FAF1: variants seen among roughly 807,000 people sequenced by gnomAD.
FAF1 encodes Fas associated factor 1.
A neutral mutation model predicts 92.5 loss-of-function variants in FAF1; 25 were observed. That is an observed-to-expected ratio of 0.27 (90% CI 0.20 to 0.38). The LOEUF is 0.38. Among genes scored for constraint, FAF1 ranks in the 10% least tolerant of loss-of-function variants. The pLI, the probability that FAF1 is intolerant of heterozygous loss-of-function variation, is 1.00. For missense variants in FAF1, 636 were observed against 793.3 expected (o/e 0.80, Z 2.38); for synonymous variants, 234 against 273.2 (o/e 0.86, Z 1.42).
chr1:50,946,801 G>A (rs1459687121), intron 1 of FAF1, among the ~76,000 whole-genome samples: 1 of 152,200 alleles, frequency 6.6e-6, no homozygotes, highest in Non-Finnish European at 1.5e-5. Context: ...AGTGATACCT[G>A]CACATGCAGT....
chr1:50,680,115 T>C (rs986294897), intron 7 of FAF1, among the ~76,000 whole-genome samples: 2 of 152,186 alleles, frequency 1.3e-5, no homozygotes, highest in Non-Finnish European at 2.9e-5. Flanking sequence ...AAATGATGTT[T>C]TCCAAGTTGA....
intron 10 of FAF1, among the ~76,000 whole-genome samples, chr1:50,584,142 CAGG>C: frequency 6.6e-6 from 1 of 152,096 alleles, no homozygotes; most frequent in East Asian, 1.9e-4. Context: ...TTTCTGCCCA[CAGG>C]AGTTCTCTAA....
chr1:50,512,229 A>T (rs1647145616), intron 15 of FAF1, among the ~76,000 whole-genome samples: 2 of 152,282 alleles, frequency 1.3e-5, no homozygotes, highest in Admixed American at 6.5e-5. Context: ...CTGTGCAAGA[A>T]GCTCTTCAGT....
chr1:50,912,552 T>G (rs1259465464), intron 1 of FAF1, among the ~76,000 whole-genome samples: 1 of 152,188 alleles, frequency 6.6e-6, no homozygotes, highest in Admixed American at 6.5e-5. Context: ...CTTACTAAGC[T>G]TAGTGTGTTG....
In FAF1 at chr1:50,738,967, A is replaced by G. The variant is rs752784390; in HGVS notation, c.460-13T>C. The stretch of plus-strand genomic sequence containing the variant: ...ATTTTAGGACCGTCTGAAAAAGAAA[A>G]AACACAGCAAAAAATGAATGTTGAT... On this transcript the variant is annotated splice_polypyrimidine_tract_variant and intron_variant, in intron 5 of 18. Coordinates refer to ENST00000396153, the MANE Select transcript of FAF1 (RefSeq NM_007051.3). 4.1e-6 allele frequency: 6 copies of G among 1,471,706 alleles called. No homozygotes were observed. The African/African-American group carries it at 7.0e-5, about 17-fold the overall frequency. The allele number at this position is 1,471,706 out of a possible 1,614,324, so 91.2% of individuals were successfully genotyped here.
chr1:50,567,376 T>A (rs1021415246), intron 12 of FAF1, 145 bp from the exon 13 acceptor site: 13 of 526,602 alleles, frequency 2.5e-5, no homozygotes, highest in African/African-American at 1.9e-4. Flanking sequence ...CATTTTGGAG[T>A]TCCTAAAGCA....
intron 8 of FAF1, among the ~76,000 whole-genome samples, chr1:50,615,018 T>C (rs1312744641): frequency 6.6e-6 from 1 of 152,100 alleles, no homozygotes; most frequent in Non-Finnish European, 1.5e-5. Context: ...ACCCAATAGG[T>C]AGTTTTACAA....
At chr1:50,631,378 G>C (rs1425117626) in intron 8 of FAF1, among the ~76,000 whole-genome samples, 10 of 152,166 alleles carry the variant, frequency 6.6e-5, no homozygotes, top group Non-Finnish European at 1.2e-4. Context: ...CCTTTGTCCA[G>C]TGTATCCATG....
rs184919761 is a variant in FAF1 at position 50,437,131 on chromosome 1, A to G, written c.*4309T>C. On this transcript the variant is annotated 3_prime_UTR_variant, in exon 19 of 19. Transcript: ENST00000396153. Reference sequence around the variant, plus strand: ...GTTGGGGTTAAGTGTCACCTTCCAAAGCAGATTATTTGAGACAAGGACAAA... The same window carrying G: ...GTTGGGGTTAAGTGTCACCTTCCAAGGCAGATTATTTGAGACAAGGACAAA... 1 of 152,366 alleles carries G rather than the reference A, an allele frequency of 6.6e-6. No homozygotes were observed. Among genetic ancestry groups the G allele is most frequent in the East Asian group, 1.9e-4 (1 of 5,192 alleles). The allele number at this position is 152,366 out of a possible 1,614,324, so 9.4% of individuals were successfully genotyped here.
At chr1:50,782,871 C>A (rs767970770) in intron 4 of FAF1, among the ~76,000 whole-genome samples, 3 of 151,828 alleles carry the variant, frequency 2.0e-5, no homozygotes, top group Non-Finnish European at 4.4e-5. Flanking sequence ...TCATTGAGAG[C>A]AACTTCCAGT....
intron 2 of FAF1, among the ~76,000 whole-genome samples, chr1:50,821,990 G>T (rs1248054117): frequency 6.6e-6 from 1 of 151,644 alleles, no homozygotes; most frequent in Non-Finnish European, 1.5e-5. Flanking sequence ...AAGAAAAGTG[G>T]GTAGGTTAAC....
intron 1 of FAF1, among the ~76,000 whole-genome samples, chr1:50,923,918 T>A (rs1162969897): frequency 1.3e-5 from 2 of 152,148 alleles, no homozygotes; most frequent in Non-Finnish European, 2.9e-5. Context: ...AGAAGAAACA[T>A]AACTCAATGT....
chr1:50,564,232 A>T (rs1650067493), intron 13 of FAF1, among the ~76,000 whole-genome samples: 1 of 143,822 alleles, frequency 7.0e-6, no homozygotes, highest in Non-Finnish European at 1.6e-5. Flanking sequence ...ATCAGATGGT[A>T]GTCCTAGGAA....
chr1:50,707,852 T>A (rs530008466), intron 6 of FAF1, among the ~76,000 whole-genome samples: 1 of 152,354 alleles, frequency 6.6e-6, no homozygotes, highest in Non-Finnish European at 1.5e-5. Context: ...CACAGAAATG[T>A]TGCCTTCTGG....
intron 1 of FAF1, among the ~76,000 whole-genome samples, chr1:50,933,543 G>A (rs59524047): frequency 0.066 from 10,084 of 152,176 alleles, 409 homozygotes; most frequent in East Asian, 0.094. Context: ...AAAGCCATTC[G>A]ACAAGTCTCT....
chr1:50,611,608 A>G (rs886838054), intron 8 of FAF1, among the ~76,000 whole-genome samples: 1 of 152,208 alleles, frequency 6.6e-6, no homozygotes, highest in African/African-American at 2.4e-5. Context: ...TGAGATGATG[A>G]TGGTTAAGCT....
chr1:50,815,349 AG>A (rs1416624338), intron 2 of FAF1, among the ~76,000 whole-genome samples: 1 of 152,180 alleles, frequency 6.6e-6, no homozygotes, highest in Non-Finnish European at 1.5e-5. Flanking sequence ...TAATTCGCTT[AG>A]GATTATGGCC....
intron 1 of FAF1, among the ~76,000 whole-genome samples, chr1:50,884,485 G>A (rs1041819652): frequency 1.3e-5 from 2 of 149,452 alleles, no homozygotes; most frequent in South Asian, 2.1e-4. Context: ...CTGAGATCAC[G>A]CACTCCAGTC....
chr1:50,580,653 T>G (rs904885891), intron 12 of FAF1, among the ~76,000 whole-genome samples: 2 of 152,160 alleles, frequency 1.3e-5, no homozygotes, highest in Non-Finnish European at 2.9e-5. Context: ...GATTATAACA[T>G]GACTAAATTT....
Sources: gnomAD v4.1 joint callset for allele counts (sites outside exome capture counted in the v4.1 genomes callset) on GRCh38, gnomAD v4.1.1 for gene constraint, MANE v1.5 for transcripts, NCBI Gene and HGNC (gene_info 2026-07-23, HGNC 2026-07-21) for gene names.